The following PITRM1 variants were observed in gnomAD, a reference collection of about 807,000 sequenced individuals.
PITRM1 encodes the protein presequence protease, mitochondrial.
Under a neutral mutation model 129.9 loss-of-function variants are expected in PITRM1, and 100 were observed. The ratio of observed to expected loss-of-function variants is 0.77; its 90% confidence interval spans 0.65 to 0.91. PITRM1 has a LOEUF of 0.91. Ranked by LOEUF, PITRM1 falls within the 40% of genes least tolerant of loss-of-function variation. PITRM1 has a pLI of 0.00. For missense variants in PITRM1, 1,471 were observed against 1,318.3 expected, an observed-to-expected ratio of 1.12 and a Z score of -1.79; for synonymous variants, 591 against 508.8, an observed-to-expected ratio of 1.16 and a Z score of -2.17.
intron 1 of PITRM1, among the ~76,000 whole-genome samples, chr10:3,171,361 T>G (rs1843340961): frequency 1.4e-5 from 2 of 147,600 alleles, no homozygotes; most frequent in African/African-American, 2.5e-5. Flanking sequence ...AGCAAGGACA[T>G]TTCTGTATGT....
At chr10:3,157,331 A>C in intron 12 of PITRM1, 104 bp downstream of exon 12, 1 of 693,360 alleles carries the variant, frequency 1.4e-6, no homozygotes. Flanking sequence ...TTACCCATTT[A>C]AAGTAATCTA....
At chr10:3,171,253 T>C (rs897810729) in intron 1 of PITRM1, among the ~76,000 whole-genome samples, 5 of 116,358 alleles carry the variant, frequency 4.3e-5, no homozygotes, top group African/African-American at 1.3e-4. Flanking sequence ...AAACAAAAGA[T>C]ACACATGATA....
In PITRM1 at chr10:3,166,928, C is replaced by T; in HGVS notation, c.266+8G>A. 3.3e-6 allele frequency: 5 copies of T among 1,527,764 alleles called. No homozygotes were observed. Among genetic ancestry groups the T allele is most frequent in the Non-Finnish European group, 3.6e-6 (4 of 1,107,088 alleles). 94.6% of individuals were successfully genotyped at this position (1,527,764 alleles called of 1,614,324 possible). ...TTCAAGACCATGTTCTTACAATGCA[C>T]CACACACCTGAACAGATTATTCGTG... On this transcript the variant is annotated splice_region_variant and intron_variant, in intron 3 of 26. Coordinates refer to ENST00000224949, the MANE Select transcript of PITRM1 (RefSeq NM_014889.4).
At chr10:3,160,005 G>C (rs1842315777) in intron 8 of PITRM1, 69 bp from the exon 9 acceptor site, 6 of 1,276,422 alleles carry the variant, frequency 4.7e-6, no homozygotes, top group Non-Finnish European at 6.7e-6. Context: ...AGGTTATCTG[G>C]ATACACGAAA....
At chr10:3,165,177 T>G (rs1842754159) in intron 6 of PITRM1, 61 bp downstream of exon 6, 1 of 1,138,184 alleles carries the variant, frequency 8.8e-7, no homozygotes, top group Non-Finnish European at 1.3e-6. Context: ...TGTGTCTATA[T>G]CATGATATTG....
At chr10:3,172,821 G>A, upstream of PITRM1, 11 of 1,521,054 alleles carry the variant, frequency 7.2e-6, no homozygotes, top group African/African-American at 1.4e-5. Flanking sequence ...TTAACCCGAC[G>A]CAGGGCGCGG....
In PITRM1 at chr10:3,163,843, G is replaced by A. The variant is rs1216373353; in HGVS notation, c.673C>T (p.Leu225Phe). The change falls in exon 7 of 27, where the codon CTT becomes TTT. Residue 225 changes from leucine to phenylalanine, a missense_variant. Leu to Phe is a conservative substitution (Grantham distance 22). Coordinates refer to ENST00000224949, the MANE Select transcript of PITRM1 (RefSeq NM_014889.4). ...RIFSQHLQNR[L>F]LPDHTYSVVS... is the part of the protein sequence containing the mutation. ...ACTGAGTACGTGTGGTCAGGAAGAA[G>A]TCTGTTCTGAAGGTGCTGGGAGAAT... 6.2e-7 allele frequency: 1 copy of A among 1,611,968 alleles called. No homozygotes were observed. The highest frequency in any genetic ancestry group is 8.5e-7 in the Non-Finnish European group (1 of 1,178,812).
chr10:3,162,671 C>T (rs1842547075), intron 7 of PITRM1, among the ~76,000 whole-genome samples: 1 of 152,212 alleles, frequency 6.6e-6, no homozygotes, highest in African/African-American at 2.4e-5. Context: ...CACAGCCTGA[C>T]TCAAACTAAG....
intron 15 of PITRM1, among the ~76,000 whole-genome samples, chr10:3,150,570 G>A (rs1054340654): frequency 9.2e-5 from 14 of 152,162 alleles, no homozygotes; most frequent in East Asian, 3.9e-4. Flanking sequence ...GCTCAGTCAC[G>A]TCCGGCCACA....
At chr10:3,158,471 A>G (rs1275108428) in intron 10 of PITRM1, among the ~76,000 whole-genome samples, 4 of 152,116 alleles carry the variant, frequency 2.6e-5, no homozygotes, top group Admixed American at 2.6e-4. Context: ...AATGGTGTGA[A>G]CCCGGGAGGT....
chr10:3,139,272 C>T (rs1182107739), intron 24 of PITRM1, among the ~76,000 whole-genome samples: 1 of 152,214 alleles, frequency 6.6e-6, no homozygotes, highest in Non-Finnish European at 1.5e-5. Context: ...TAGACAAGGT[C>T]TGTCTGCACA....
intron 11 of PITRM1, among the ~76,000 whole-genome samples, chr10:3,157,777 T>A (rs534321086): frequency 6.6e-6 from 1 of 152,092 alleles, no homozygotes; most frequent in East Asian, 1.9e-4. Flanking sequence ...GGGAGGAAAA[T>A]GCAGTGAGCT....
chr10:3,155,188 GGT>G (rs1467328074), intron 14 of PITRM1, among the ~76,000 whole-genome samples: 1 of 152,044 alleles, frequency 6.6e-6, no homozygotes, highest in Admixed American at 6.5e-5. Context: ...ACAGAATCCT[GGT>G]GCTGCTCTGT....
intron 9 of PITRM1, among the ~76,000 whole-genome samples, chr10:3,159,399 G>C (rs1007881258): frequency 6.6e-6 from 1 of 152,244 alleles, no homozygotes; most frequent in Non-Finnish European, 1.5e-5. Context: ...GGAGGGCCCA[G>C]AGCCCAAGCC....
At chr10:3,171,146 TTAAAAAAAAAAAAAAAAAAAAA>T (rs1172693621) in intron 1 of PITRM1, among the ~76,000 whole-genome samples, 6 of 36,240 alleles carry the variant, frequency 1.7e-4, no homozygotes, top group South Asian at 1.3e-3. Context: ...AATCGTTCAA[TTAAAAAAAAAAAAAAAAAAAAA>T]AAAAAAAAAA....
At chr10:3,159,179 G>T in intron 9 of PITRM1, 137 bp from the exon 10 acceptor site, 1 of 806,294 alleles carries the variant, frequency 1.2e-6, no homozygotes, top group Non-Finnish European at 1.9e-6. Flanking sequence ...AATTTTATGA[G>T]CAGAAGAGAA....
intron 2 of PITRM1, among the ~76,000 whole-genome samples, chr10:3,169,472 A>T (rs1487651892): frequency 6.6e-6 from 1 of 152,212 alleles, no homozygotes; most frequent in East Asian, 1.9e-4. Context: ...CAGTCTTTCT[A>T]GACAGTAAGC....
chr10:3,163,983 A>C (rs1301588579), intron 6 of PITRM1, 98 bp from the exon 7 acceptor site: 5 of 750,962 alleles, frequency 6.7e-6, no homozygotes, highest in Non-Finnish European at 1.0e-5. Flanking sequence ...TCTGGTGCAT[A>C]CACCTGTAAT....
intron 21 of PITRM1, among the ~76,000 whole-genome samples, chr10:3,144,741 G>A (rs766790221): frequency 1.9e-4 from 29 of 152,108 alleles, no homozygotes; most frequent in Admixed American, 3.9e-4. Flanking sequence ...GGAGGTCACG[G>A]CTACAGCTAG....
Sources: gnomAD v4.1 joint callset for allele counts (sites outside exome capture counted in the v4.1 genomes callset) on GRCh38, gnomAD v4.1.1 for gene constraint, MANE v1.5 for transcripts, NCBI Gene and HGNC (gene_info 2026-07-23, HGNC 2026-07-21) for gene names.